DCLK2: variants seen among roughly 807,000 people sequenced by gnomAD.
The protein encoded by DCLK2 is doublecortin like kinase 2.
Under a neutral mutation model 78.4 loss-of-function variants are expected in DCLK2, and 31 were observed. The observed-to-expected ratio is 0.40, with a 90% confidence interval of 0.30 to 0.53. The LOEUF is 0.53. Among genes scored for constraint, DCLK2 ranks in the 20% least tolerant of loss-of-function variants. The pLI, the probability that DCLK2 is intolerant of heterozygous loss-of-function variation, is 0.61. For synonymous variants in DCLK2, 407 were observed against 374.9 expected (o/e 1.09, Z -0.99); for missense variants, 872 against 973.7 (o/e 0.90, Z 1.39).
chr4:150,233,733 A>G (rs147241370), intron 10 of DCLK2, among the ~76,000 whole-genome samples: 1,653 of 152,222 alleles, frequency 0.011, 31 homozygotes, highest in African/African-American at 0.038. Flanking sequence ...TCTGATCTCA[A>G]TTTGTCTTTT....
intron 1 of DCLK2, among the ~76,000 whole-genome samples, chr4:150,085,390 C>A (rs925468601): frequency 9.9e-5 from 15 of 152,254 alleles, no homozygotes; most frequent in African/African-American, 3.6e-4. Context: ...AGGGTCATCC[C>A]ATGGTGGAAG....
chr4:150,176,835 A>C (rs978364766), intron 2 of DCLK2, among the ~76,000 whole-genome samples: 2 of 152,222 alleles, frequency 1.3e-5, no homozygotes, highest in Non-Finnish European at 2.9e-5. Flanking sequence ...TATTTAAGAC[A>C]GCTGGCTCCT....
At chr4:150,189,032 T>G (rs1738181334) in intron 2 of DCLK2, among the ~76,000 whole-genome samples, 1 of 152,164 alleles carries the variant, frequency 6.6e-6, no homozygotes, top group African/African-American at 2.4e-5. Context: ...TTACTGTTAT[T>G]TATGCTAATC....
chr4:150,138,642 A>G (rs903690618), intron 2 of DCLK2, among the ~76,000 whole-genome samples: 3 of 151,928 alleles, frequency 2.0e-5, no homozygotes, highest in African/African-American at 7.3e-5. Context: ...TTTAAGCCTC[A>G]TAACCACCTT....
At chr4:150,139,838 T>C (rs1337631909) in intron 2 of DCLK2, among the ~76,000 whole-genome samples, 1 of 152,238 alleles carries the variant, frequency 6.6e-6, no homozygotes, top group African/African-American at 2.4e-5. Context: ...TTGGTCATTA[T>C]TGTCTTGTCA....
intron 2 of DCLK2, among the ~76,000 whole-genome samples, chr4:150,189,690 G>C (rs1389803995): frequency 6.6e-6 from 1 of 152,110 alleles, no homozygotes; most frequent in Non-Finnish European, 1.5e-5. Context: ...GTAAGTGGTG[G>C]TGAGGGCAGT....
chr4:150,221,358 C>A (rs1327290382), intron 6 of DCLK2, among the ~76,000 whole-genome samples: 1 of 151,150 alleles, frequency 6.6e-6, no homozygotes, highest in African/African-American at 2.4e-5. Context: ...ATATCCCCTG[C>A]CCCTTTCTTG....
intron 2 of DCLK2, among the ~76,000 whole-genome samples, chr4:150,125,986 G>A (rs965813804): frequency 6.6e-6 from 1 of 152,116 alleles, no homozygotes; most frequent in African/African-American, 2.4e-5. Flanking sequence ...CTTAGTGATA[G>A]GATTGTGAAT....
At chr4:150,255,292 G>A (rs555467807) in intron 15 of DCLK2, among the ~76,000 whole-genome samples, 4 of 152,188 alleles carry the variant, frequency 2.6e-5, no homozygotes, top group Non-Finnish European at 5.9e-5. Context: ...AGCTTGATGG[G>A]CTTCCCTGGA....
chr4:150,132,555 A>G (rs1733391806), intron 2 of DCLK2, among the ~76,000 whole-genome samples: 1 of 152,206 alleles, frequency 6.6e-6, no homozygotes, highest in Non-Finnish European at 1.5e-5. Flanking sequence ...CCTAGAGGAA[A>G]TACAGGGTTC....
At chr4:150,143,460 A>G (rs1250609084) in intron 2 of DCLK2, among the ~76,000 whole-genome samples, 2 of 152,226 alleles carry the variant, frequency 1.3e-5, no homozygotes, top group African/African-American at 4.8e-5. Flanking sequence ...CCTGAGCAAC[A>G]TGGTGAGACC....
intron 5 of DCLK2, among the ~76,000 whole-genome samples, chr4:150,213,599 A>G (rs1740469195): frequency 6.6e-6 from 1 of 151,622 alleles, no homozygotes; most frequent in Admixed American, 6.6e-5. Context: ...TATCTAGTGT[A>G]TTTTTTTTTA....
chr4:150,185,323 G>A (rs915748071), intron 2 of DCLK2, among the ~76,000 whole-genome samples: 10 of 152,136 alleles, frequency 6.6e-5, no homozygotes, highest in Non-Finnish European at 1.3e-4. Flanking sequence ...TACCTCCCAC[G>A]AGGTTTCTCC....
At chr4:150,194,246 G>A (rs747042618) in intron 3 of DCLK2, among the ~76,000 whole-genome samples, 2 of 152,032 alleles carry the variant, frequency 1.3e-5, no homozygotes, top group Admixed American at 6.6e-5. Flanking sequence ...GTACAGTTAC[G>A]TGCTATACAG....
intron 2 of DCLK2, among the ~76,000 whole-genome samples, chr4:150,186,164 T>C (rs1280147801): frequency 6.6e-6 from 1 of 152,200 alleles, no homozygotes; most frequent in East Asian, 1.9e-4. Context: ...TAAGAGGCCT[T>C]CTAAACTGAT....
At chr4:150,133,190 C>A (rs1267536786) in intron 2 of DCLK2, among the ~76,000 whole-genome samples, 5 of 152,052 alleles carry the variant, frequency 3.3e-5, no homozygotes, top group Non-Finnish European at 7.4e-5. Context: ...ACAAAAAGGT[C>A]AAAGAAATGT....
At chr4:150,080,584 A>C (rs996168922) in intron 1 of DCLK2, among the ~76,000 whole-genome samples, 6 of 152,238 alleles carry the variant, frequency 3.9e-5, no homozygotes, top group African/African-American at 1.4e-4. Flanking sequence ...AGGAAGCTGA[A>C]CATCAAGCCA....
At chr4:150,081,330 C>T (rs990446332) in intron 1 of DCLK2, among the ~76,000 whole-genome samples, 1 of 152,112 alleles carries the variant, frequency 6.6e-6, no homozygotes, top group African/African-American at 2.4e-5. Flanking sequence ...CGTCTTTTAC[C>T]GCCCACCGCA....
chr4:150,181,594 A>G (rs558108735), intron 2 of DCLK2, among the ~76,000 whole-genome samples: 1 of 151,840 alleles, frequency 6.6e-6, no homozygotes, highest in East Asian at 1.9e-4. Flanking sequence ...AGAAGGTTGC[A>G]GTGGGAAAAG....
Sources: gnomAD v4.1 joint callset for allele counts (sites outside exome capture counted in the v4.1 genomes callset) on GRCh38, gnomAD v4.1.1 for gene constraint, MANE v1.5 for transcripts, NCBI Gene and HGNC (gene_info 2026-07-23, HGNC 2026-07-21) for gene names.